MCF2L2: variants seen among roughly 807,000 people sequenced by gnomAD.
MCF2L2 encodes probable guanine nucleotide exchange factor MCF2L2.
Under a neutral mutation model 150.2 loss-of-function variants are expected in MCF2L2, and 102 were observed. That is an observed-to-expected ratio of 0.68 (90% CI 0.58 to 0.80). The LOEUF (loss-of-function observed/expected upper bound fraction) is 0.80, where lower values mean the gene tolerates loss of function less well. Among genes scored for constraint, MCF2L2 ranks in the 30% least tolerant of loss-of-function variants. The pLI is 0.00. For synonymous variants in MCF2L2, 465 were observed against 491.3 expected (o/e 0.95, Z 0.71); for missense variants, 1,256 against 1,372.8 (o/e 0.91, Z 1.34).
At chr3:183,348,725 T>C (rs1044854393) in intron 3 of MCF2L2, among the ~76,000 whole-genome samples, 4 of 152,142 alleles carry the variant, frequency 2.6e-5, no homozygotes, top group African/African-American at 7.2e-5. Context: ...AATGTGGCTA[T>C]GTGAATATTT....
intron 15 of MCF2L2, among the ~76,000 whole-genome samples, chr3:183,250,538 G>T (rs1724468512): frequency 6.6e-6 from 1 of 151,304 alleles, no homozygotes; most frequent in South Asian, 2.1e-4. Context: ...AGTGAAAGGA[G>T]ATCGTGCCAC....
chr3:183,179,725 T>C lies in MCF2L2; in HGVS notation c.3106-33A>G. ...GGAGGGGACGGGTGCACCCTCAGAG[T>C]TATTGCTGGAGGCTGTGGCCAGACC... is the stretch of plus-strand genomic sequence containing the variant. On this transcript the variant is annotated intron_variant, in intron 28 of 29. Transcript: ENST00000328913. The surrounding 1 kb of genome is among the most constrained non-coding windows in gnomAD (Gnocchi z 4.2). 1 of 1,579,656 alleles carries C rather than the reference T, an allele frequency of 6.3e-7. No homozygotes were observed. Among genetic ancestry groups the C allele is most frequent in the Non-Finnish European group, 8.7e-7 (1 of 1,150,222 alleles).
chr3:183,366,855 T>A (rs894553078), intron 3 of MCF2L2, among the ~76,000 whole-genome samples: 1 of 152,094 alleles, frequency 6.6e-6, no homozygotes, highest in African/African-American at 2.4e-5. Flanking sequence ...CTTCAAGAAG[T>A]AAGTGTATGC....
rs9826325 is a variant in MCF2L2 at position 183,219,912 on chromosome 3, A to G, written c.2314T>C (p.Phe772Leu). Residue 772 changes from phenylalanine (F) to leucine (L), a missense_variant, in exon 21 of 30, where the codon TTC becomes CTC. Coordinates refer to ENST00000328913, the MANE Select transcript of MCF2L2 (RefSeq NM_015078.4). Reference protein sequence around the residue: ...YQMLLKGLLDFESPEDMEIDP... With the variant: ...YQMLLKGLLDLESPEDMEIDP... ...ATCTCCATATCTTCAGGAGACTCGA[A>G]ATCCAGCAGACCCTGCATTAACCCA... 3.9e-3 allele frequency: 6,340 copies of G among 1,613,204 alleles called. 194 individuals are homozygous for G. The African/African-American group carries it at 0.072, about 18-fold the overall frequency.
At chr3:183,402,223 C>T (rs945342338) in intron 1 of MCF2L2, among the ~76,000 whole-genome samples, 5 of 150,926 alleles carry the variant, frequency 3.3e-5, no homozygotes, top group Admixed American at 6.6e-5. Context: ...GCAGGCAGAT[C>T]ACGAGGTCAG....
chr3:183,346,348 C>T (rs572654976), intron 3 of MCF2L2, among the ~76,000 whole-genome samples: 30 of 152,026 alleles, frequency 2.0e-4, no homozygotes, highest in African/African-American at 6.8e-4. Flanking sequence ...AAAAGCCCTT[C>T]GATAAAATTC....
chr3:183,242,180 G>C (rs568538951), intron 15 of MCF2L2, among the ~76,000 whole-genome samples: 8 of 152,034 alleles, frequency 5.3e-5, no homozygotes, highest in Non-Finnish European at 1.0e-4. Flanking sequence ...AAGGGAAGAA[G>C]AGCATAAAAG....
chr3:183,200,637 AC>A (rs1255463857), intron 25 of MCF2L2, among the ~76,000 whole-genome samples: 1 of 152,020 alleles, frequency 6.6e-6, no homozygotes, highest in East Asian at 1.9e-4. Flanking sequence ...ATTAGATCCC[AC>A]TTGTCAATTT....
chr3:183,222,724 A>C (rs1216093882), intron 20 of MCF2L2, among the ~76,000 whole-genome samples: 1 of 152,168 alleles, frequency 6.6e-6, no homozygotes, highest in Non-Finnish European at 1.5e-5. Flanking sequence ...GTGGTGGCCC[A>C]AACCTTTCTC....
chr3:183,298,787 A>ACACACACACACG (rs1728688495), intron 11 of MCF2L2: 1 of 152,114 alleles, frequency 6.6e-6, no homozygotes, highest in Non-Finnish European at 1.5e-5. Flanking sequence ...ACACACACAC[A>ACACACACACACG]CACACACCAG....
At position 183,179,750 on chromosome 3, in the gene MCF2L2, C is replaced by T. The variant is rs1721451946; in HGVS notation, c.3106-58G>A. The T allele has an allele frequency of 4.0e-6, 6 of 1,483,836 alleles. No individual in the cohort carries two copies. In the African/African-American group the frequency reaches 5.5e-5, roughly 14 times the overall value. The allele number at this position is 1,483,836 out of a possible 1,614,324, so 91.9% of individuals were successfully genotyped here. ...TTATTGCTGGAGGCTGTGGCCAGAC[C>T]GGGCAAGGTGGTGACTCCCGCTGGC... On this transcript the variant is annotated intron_variant, in intron 28 of 29. Transcript: ENST00000328913. This position sits in a 1 kb window ranked among gnomAD's most constrained non-coding sequence, Gnocchi z 4.2.
chr3:183,342,048 G>A (rs889322262), intron 3 of MCF2L2, among the ~76,000 whole-genome samples: 1 of 152,228 alleles, frequency 6.6e-6, no homozygotes, highest in Non-Finnish European at 1.5e-5. Flanking sequence ...AGCAGTCTGA[G>A]AGGGAGTAAT....
intron 20 of MCF2L2, among the ~76,000 whole-genome samples, chr3:183,221,363 G>A (rs765059231): frequency 6.6e-6 from 1 of 152,224 alleles, no homozygotes; most frequent in Non-Finnish European, 1.5e-5. Flanking sequence ...TACCAGGAAA[G>A]TACTATTATT....
chr3:183,234,674 A>G (rs1009118834), intron 15 of MCF2L2, among the ~76,000 whole-genome samples: 15 of 144,990 alleles, frequency 1.0e-4, no homozygotes, highest in Non-Finnish European at 3.0e-5. Flanking sequence ...AAAATAGGAG[A>G]AAATGTATGA....
intron 3 of MCF2L2, among the ~76,000 whole-genome samples, chr3:183,352,650 G>C (rs1485510741): frequency 6.6e-6 from 1 of 152,210 alleles, no homozygotes; most frequent in Non-Finnish European, 1.5e-5. Context: ...AAAGAACAGC[G>C]CTTTGAGGGA....
chr3:183,374,165 C>G (rs1040246004), intron 3 of MCF2L2: 11 of 152,804 alleles, frequency 7.2e-5, no homozygotes, highest in African/African-American at 1.9e-4. Context: ...CTCAAACCCT[C>G]TTGCAGGAAA....
At chr3:183,360,108 A>G (rs1487599336) in intron 3 of MCF2L2, among the ~76,000 whole-genome samples, 1 of 152,236 alleles carries the variant, frequency 6.6e-6, no homozygotes, top group Non-Finnish European at 1.5e-5. Flanking sequence ...ACGTGCCTAG[A>G]AGACACGGTG....
intron 10 of MCF2L2, among the ~76,000 whole-genome samples, chr3:183,307,468 C>T (rs1456478592): frequency 1.3e-5 from 2 of 152,202 alleles, no homozygotes; most frequent in Admixed American, 1.3e-4. Context: ...ATAAGATCTG[C>T]AAGTCATAGG....
chr3:183,326,100 T>C (rs1176962840), intron 5 of MCF2L2, among the ~76,000 whole-genome samples: 1 of 151,690 alleles, frequency 6.6e-6, no homozygotes, highest in Non-Finnish European at 1.5e-5. Context: ...AAGAAGAGTG[T>C]GGTAATGACA....
Sources: allele counts gnomAD v4.1 joint callset (sites outside exome capture counted in the v4.1 genomes callset), GRCh38; gene constraint gnomAD v4.1.1; non-coding constraint Gnocchi (gnomAD v3.1); transcripts MANE v1.5; gene names NCBI Gene and HGNC (gene_info 2026-07-23, HGNC 2026-07-21).